Variants in CABLES1 observed in about 807,000 individuals in gnomAD.
The protein encoded by CABLES1 is Cdk5 and Abl enzyme substrate 1.
Under a neutral mutation model 57.8 loss-of-function variants are expected in CABLES1, and 36 were observed. The observed-to-expected ratio is 0.62, with a 90% CI of 0.48 to 0.82. The LOEUF is 0.82. Ranked by LOEUF, CABLES1 falls within the 40% of genes least tolerant of loss-of-function variation. The pLI is 0.00. For missense variants in CABLES1, 767 were observed against 836.6 expected, an observed-to-expected ratio of 0.92 and a Z score of 1.03; for synonymous variants, 374 against 363.0, an observed-to-expected ratio of 1.03 and a Z score of -0.35.
rs1322428550 is a variant in CABLES1 at position 23,141,457 on chromosome 18, T to C, written c.845+4850T>C. On this transcript the variant is annotated intron_variant, in intron 1 of 9. Coordinates refer to ENST00000256925, the MANE Select transcript of CABLES1 (RefSeq NM_001100619.3). ...TGTGACATCAGGCAAGTCGCCAGTC[T>C]GTGTGTGTGTGCCCCAGCTGTGAGC... Among the ~76,000 whole-genome samples the C allele has an allele frequency of 3.9e-5, 6 of 152,272 alleles. No homozygotes were observed. In the East Asian group the frequency reaches 7.7e-4, roughly 20 times the overall value.
At chr18:23,209,348 G>GA (rs2145047011) in intron 3 of CABLES1, among the ~76,000 whole-genome samples, 1 of 152,318 alleles carries the variant, frequency 6.6e-6, no homozygotes, top group East Asian at 1.9e-4. Flanking sequence ...TGGATAAGGG[G>GA]GGACACCTGT....
At chr18:23,240,922 C>G (rs2047720760) in intron 7 of CABLES1, among the ~76,000 whole-genome samples, 1 of 152,226 alleles carries the variant, frequency 6.6e-6, no homozygotes, top group South Asian at 2.1e-4. Flanking sequence ...GAGTAATTTA[C>G]AGACAATCAG....
intron 1 of CABLES1, among the ~76,000 whole-genome samples, chr18:23,186,225 AGCTGGGGT>A (rs1365368624): frequency 6.6e-6 from 1 of 152,196 alleles, no homozygotes; most frequent in Non-Finnish European, 1.5e-5. Flanking sequence ...TGGTCAGCTG[AGCTGGGGT>A]GCAGGTCAGG....
chr18:23,158,137 AAC>A (rs1300615286), intron 1 of CABLES1, among the ~76,000 whole-genome samples: 24 of 150,316 alleles, frequency 1.6e-4, no homozygotes, highest in African/African-American at 4.2e-4. Context: ...AAAAAAAAAA[AAC>A]AAACCCACAA....
intron 1 of CABLES1, among the ~76,000 whole-genome samples, chr18:23,141,856 CT>C (rs776404529): frequency 6.6e-6 from 1 of 151,732 alleles, no homozygotes; most frequent in African/African-American, 2.4e-5. Flanking sequence ...GATGCCTGGA[CT>C]TTTTTTCTCT....
Position 23,135,651 on chromosome 18 carries a change from C to G in CABLES1, c.-112C>G, listed in dbSNP as rs920991844. Reference sequence around the variant, plus strand: ...GGGCTGGACCGCCGCGCACGCCGCCCGATCCCCGCGCCCTACCCAGCCCGG... The same window carrying G: ...GGGCTGGACCGCCGCGCACGCCGCCGGATCCCCGCGCCCTACCCAGCCCGG... On this transcript the variant is annotated 5_prime_UTR_variant, in exon 1 of 10. Transcript: ENST00000256925. 3.3e-6 allele frequency: 3 copies of G among 921,302 alleles called. No individual in the cohort carries two copies. The highest frequency in any genetic ancestry group is 3.9e-6 in the Non-Finnish European group (3 of 772,966). The allele number at this position is 921,302 out of a possible 1,614,324, so 57.1% of individuals were successfully genotyped here. A position where few individuals can be genotyped will look rare whatever the true frequency, so the allele number is the denominator to read the frequency against.
intron 3 of CABLES1, chr18:23,197,371 A>G (rs1289450725): frequency 3.3e-5 from 5 of 152,216 alleles, no homozygotes; most frequent in African/African-American, 1.2e-4. Flanking sequence ...CTTCCGCGGA[A>G]GTACGTGGTT....
chr18:23,201,870 C>T (rs573068100), intron 3 of CABLES1, among the ~76,000 whole-genome samples: 1 of 152,092 alleles, frequency 6.6e-6, no homozygotes. Context: ...AATGGGGAGA[C>T]CTGACAGTGG....
chr18:23,254,565 A>G (rs1167872866), intron 9 of CABLES1, among the ~76,000 whole-genome samples: 3 of 152,224 alleles, frequency 2.0e-5, no homozygotes, highest in South Asian at 2.1e-4. Flanking sequence ...TGGTGCTGCC[A>G]TAACAAAATA....
intron 2 of CABLES1, among the ~76,000 whole-genome samples, chr18:23,190,887 C>A (rs2047237775): frequency 6.6e-6 from 1 of 151,908 alleles, no homozygotes; most frequent in Non-Finnish European, 1.5e-5. Flanking sequence ...CCAGCCTGGG[C>A]AATGTAGTGA....
At chr18:23,179,402 C>T (rs1448420680) in intron 1 of CABLES1, among the ~76,000 whole-genome samples, 1 of 152,210 alleles carries the variant, frequency 6.6e-6, no homozygotes, top group African/African-American at 2.4e-5. Flanking sequence ...CCAGTGACTC[C>T]CCCACCCCAG....
intron 5 of CABLES1, among the ~76,000 whole-genome samples, chr18:23,234,908 A>T (rs2047592348): frequency 6.6e-6 from 1 of 152,248 alleles, no homozygotes; most frequent in Non-Finnish European, 1.5e-5. Context: ...TTCCCACAGC[A>T]TGTGTATTTC....
In CABLES1 at chr18:23,142,472, C is replaced by G. The variant is rs191697529; in HGVS notation, c.845+5865C>G. Among the ~76,000 whole-genome samples the G allele has an allele frequency of 4.6e-5, 7 of 152,292 alleles. No homozygotes were observed. The East Asian group carries it at 9.6e-4, about 21-fold the overall frequency. ...AAAGGGCCTTCAGGTTTACAAAGTA[C>G]TGTTGTACATGTTGATATCAGACCC... On this transcript the variant is annotated intron_variant, in intron 1 of 9. Coordinates refer to ENST00000256925, the MANE Select transcript of CABLES1 (RefSeq NM_001100619.3).
intron 1 of CABLES1, among the ~76,000 whole-genome samples, chr18:23,183,950 A>T (rs916229581): frequency 2.0e-5 from 3 of 152,104 alleles, no homozygotes; most frequent in Non-Finnish European, 4.4e-5. Flanking sequence ...ACTACGACAT[A>T]CCTTGGGAGG....
At chr18:23,151,898 G>T (rs2046933273) in intron 1 of CABLES1, among the ~76,000 whole-genome samples, 1 of 152,188 alleles carries the variant, frequency 6.6e-6, no homozygotes, top group African/African-American at 2.4e-5. Context: ...GGACATGGGG[G>T]CCACTTGCAC....
chr18:23,233,979 G>A (rs1196835060), intron 4 of CABLES1, among the ~76,000 whole-genome samples: 1 of 152,176 alleles, frequency 6.6e-6, no homozygotes, highest in Non-Finnish European at 1.5e-5. Flanking sequence ...CACTTTGGGA[G>A]GCTGAGATGG....
rs2046823405 is a variant in CABLES1 at position 23,136,538 on chromosome 18, A to C, written c.776A>C (p.Asn259Thr). The part of the protein sequence containing the change: ...PIAFSRPTSQ[N>T]YCSLEQPGQG... Reference sequence around the variant, plus strand: ...GCCTTCTCCAGGCCGACTTCGCAGAACTACTGCTCCCTGGAGCAGCCAGGC... The same window carrying C: ...GCCTTCTCCAGGCCGACTTCGCAGACCTACTGCTCCCTGGAGCAGCCAGGC... Residue 259 changes from asparagine (N) to threonine (T), a missense_variant, in exon 1 of 10, where the codon AAC becomes ACC. Physicochemically the swap from Asn to Thr is moderately conservative, Grantham distance 65. Around this residue, in one of 4 missense-constraint regions of CABLES1, gnomAD observed 529 missense variants for 622.8 expected, o/e 0.85. Transcript: ENST00000256925. 6 of 1,578,262 alleles carry C rather than the reference A, an allele frequency of 3.8e-6. No individual in the cohort carries two copies. The highest frequency in any genetic ancestry group is 1.7e-4 in the Middle Eastern group (1 of 6,010).
At chr18:23,228,771 T>C (rs1476173573) in intron 4 of CABLES1, among the ~76,000 whole-genome samples, 1 of 146,222 alleles carries the variant, frequency 6.8e-6, no homozygotes, top group East Asian at 2.0e-4. Flanking sequence ...AAAAAGTATA[T>C]ATCTTTGTGC....
chr18:23,221,916 G>A (rs1207709787), intron 4 of CABLES1, among the ~76,000 whole-genome samples: 2 of 152,170 alleles, frequency 1.3e-5, no homozygotes, highest in African/African-American at 4.8e-5. Context: ...AAGCCTGGCC[G>A]AGGAGGGAGC....
Sources: gnomAD v4.1 joint callset for allele counts (sites outside exome capture counted in the v4.1 genomes callset) on GRCh38, gnomAD v4.1.1 for gene constraint, gnomAD v4.1.1 regional missense constraint, MANE v1.5 for transcripts, NCBI Gene and HGNC (gene_info 2026-07-23, HGNC 2026-07-21) for gene names.